Variants in KANSL1 observed in about 807,000 individuals in gnomAD.
KANSL1 encodes MLL1/MLL complex subunit KANSL1.
A neutral mutation model predicts 103.6 loss-of-function variants in KANSL1; 22 were observed. The ratio of observed to expected loss-of-function variants is 0.21; its 90% CI spans 0.15 to 0.30. KANSL1 has a LOEUF of 0.30. KANSL1 is among the 10% of genes least tolerant of loss of function. KANSL1 has a pLI of 1.00. For missense variants in KANSL1, 1,337 were observed against 1,399.8 expected, an observed-to-expected ratio of 0.96 and a Z score of 0.72; for synonymous variants, 600 against 527.6, an observed-to-expected ratio of 1.14 and a Z score of -1.88.
chr17:46,086,096 A>G (rs1001349227), intron 3 of KANSL1, among the ~76,000 whole-genome samples: 1 of 152,270 alleles, frequency 6.6e-6, no homozygotes, highest in Non-Finnish European at 1.5e-5. Flanking sequence ...CTTTATAATA[A>G]TTATAGCCAG....
At chr17:46,215,344 G>C (rs1370529513) in intron 1 of KANSL1, among the ~76,000 whole-genome samples, 2 of 152,220 alleles carry the variant, frequency 1.3e-5, no homozygotes, top group Admixed American at 6.5e-5. Flanking sequence ...GGAAGAAGTG[G>C]AGAGATGATC....
intron 1 of KANSL1, among the ~76,000 whole-genome samples, chr17:46,216,548 G>A (rs570837526): frequency 4.1e-5 from 6 of 146,574 alleles, no homozygotes; most frequent in African/African-American, 1.5e-4. Context: ...GCAGTGAGCC[G>A]AGATCACGCC....
intron 12 of KANSL1, 95 bp downstream of exon 12, chr17:46,033,308 C>T (rs1024260223): frequency 2.1e-6 from 3 of 1,457,582 alleles, no homozygotes; most frequent in Non-Finnish European, 2.9e-6. Context: ...GCACTTCACA[C>T]CCACAAGTCT....
intron 6 of KANSL1, among the ~76,000 whole-genome samples, chr17:46,058,741 ACACTCTCTCTCTCT>A (rs796539296): frequency 0.041 from 3,035 of 73,192 alleles, 26 homozygotes; most frequent in Middle Eastern, 0.048. Flanking sequence ...ACACACACAC[ACACTCTCTCTCTCT>A]CTCTCTCTCT....
In KANSL1 at chr17:46,171,101, C is replaced by T. The variant is rs1159013744; in HGVS notation, c.1043G>A (p.Arg348Gln). Reference protein sequence around the residue: ...LRPRSQLMLTRKAEAALRKAA... With the variant: ...LRPRSQLMLTQKAEAALRKAA... ...TTTTCTCAAGGCAGCTTCAGCCTTT[C>T]GAGTCAGCATCAACTGGCTCCGTGG... The change falls in exon 2 of 15, where the codon CGA (arginine) becomes CAA (glutamine). Residue 348 changes from arginine to glutamine, a missense_variant. By Grantham distance (43) the Arg-to-Gln change is conservative (BLOSUM62 1). Around this residue, in one of 2 missense-constraint regions of KANSL1, gnomAD observed 557 missense variants for 476.4 expected, o/e 1.17. Coordinates refer to ENST00000432791, the MANE Select transcript of KANSL1 (RefSeq NM_015443.4). The T allele has an allele frequency of 1.4e-5, 23 of 1,614,068 alleles. No homozygotes were observed. Among genetic ancestry groups the T allele is most frequent in the Middle Eastern group, 1.6e-4 (1 of 6,084 alleles).
chr17:46,078,524 T>TA (rs11326553), intron 4 of KANSL1, among the ~76,000 whole-genome samples: 23,740 of 152,128 alleles, frequency 0.16, 2,682 homozygotes, highest in East Asian at 0.42. Flanking sequence ...AATTTCTACC[T>TA]ACTTGGCAGC....
chr17:46,213,990 TACCTGG>T (rs1239311177), intron 1 of KANSL1, among the ~76,000 whole-genome samples: 9 of 152,036 alleles, frequency 5.9e-5, no homozygotes, highest in Non-Finnish European at 1.3e-4. Flanking sequence ...CCAAATATAC[TACCTGG>T]CACATATAAA....
chr17:46,074,301 A>G (rs62060812), intron 4 of KANSL1, among the ~76,000 whole-genome samples: 21,788 of 152,196 alleles, frequency 0.14, 2,131 homozygotes, highest in Non-Finnish European at 0.22. Context: ...AATAGGTTAT[A>G]ATCCATTAAA....
intron 4 of KANSL1, among the ~76,000 whole-genome samples, chr17:46,079,340 T>C (rs1470430639): frequency 1.3e-5 from 2 of 152,290 alleles, no homozygotes; most frequent in East Asian, 3.9e-4. Flanking sequence ...TATGTATCCT[T>C]GCAGTGTACC....
chr17:46,108,131 C>G (rs2042651010), intron 2 of KANSL1, among the ~76,000 whole-genome samples: 1 of 152,176 alleles, frequency 6.6e-6, no homozygotes, highest in South Asian at 2.1e-4. Flanking sequence ...CACTCCTCTA[C>G]CCAAAACCTA....
At chr17:46,220,494 G>A (rs1367191233) in intron 1 of KANSL1, among the ~76,000 whole-genome samples, 1 of 152,148 alleles carries the variant, frequency 6.6e-6, no homozygotes, top group African/African-American at 2.4e-5. Context: ...GGGATTACAG[G>A]CGTGAGCCAC....
intron 1 of KANSL1, among the ~76,000 whole-genome samples, chr17:46,201,204 G>A (rs911257147): frequency 2.0e-5 from 3 of 152,264 alleles, no homozygotes; most frequent in South Asian, 2.1e-4. Flanking sequence ...GAGCCACCAC[G>A]CCCAGCCTAG....
intron 1 of KANSL1, among the ~76,000 whole-genome samples, chr17:46,180,387 G>C (rs2046729678): frequency 6.6e-6 from 1 of 151,984 alleles, no homozygotes; most frequent in Non-Finnish European, 1.5e-5. Context: ...AATCCCAGCT[G>C]CTCGGGAAGC....
At chr17:46,084,690 T>A (rs2316956) in intron 3 of KANSL1, among the ~76,000 whole-genome samples, 18,730 of 91,928 alleles carry the variant, frequency 0.2, 1,863 homozygotes, top group Middle Eastern at 0.32. Flanking sequence ...CTCAAAATTT[T>A]AAAAATTAAA....
At chr17:46,148,436 C>T (rs1406070) in intron 2 of KANSL1, among the ~76,000 whole-genome samples, 21,954 of 152,206 alleles carry the variant, frequency 0.14, 2,134 homozygotes, top group Non-Finnish European at 0.22. Flanking sequence ...CAAGGGTAAC[C>T]TATCATTTAT....
intron 10 of KANSL1, chr17:46,034,513 C>T (rs2077095107): frequency 2.2e-6 from 1 of 455,936 alleles, no homozygotes; most frequent in Non-Finnish European, 3.9e-6. Context: ...TCATAAGTCC[C>T]ACTGGTCACC....
intron 1 of KANSL1, among the ~76,000 whole-genome samples, chr17:46,179,735 C>T (rs544671819): frequency 3.9e-5 from 6 of 152,240 alleles, no homozygotes; most frequent in Non-Finnish European, 7.3e-5. Context: ...GAAAAGGCAA[C>T]GCTGTGTGGG....
intron 1 of KANSL1, among the ~76,000 whole-genome samples, chr17:46,181,910 T>G (rs2046814262): frequency 6.6e-6 from 1 of 152,164 alleles, no homozygotes; most frequent in Non-Finnish European, 1.5e-5. Context: ...CCAAACTTAC[T>G]AATTTTTCAA....
chr17:46,170,934 C>T lies in KANSL1; in HGVS notation c.1210G>A (p.Asp404Asn), dbSNP rs1372472141. The T allele has an allele frequency of 6.2e-7, 1 of 1,614,024 alleles. No homozygotes were observed. Among genetic ancestry groups the T allele is most frequent in the East Asian group, 2.2e-5 (1 of 44,892 alleles). ...TCAGACTCCCCTCCTGAACTACTGT[C>T]AGTGACATCTGAATCAAATGCCTGT... ...SEQAFDSDVT[D>N]SSSGGESDIE... The change falls in exon 2 of 15, where the codon GAC becomes AAC. Residue 404 changes from aspartate (D) to asparagine (N), a missense_variant. By Grantham distance (23) the Asp-to-Asn change is conservative (BLOSUM62 1). Around this residue, in one of 2 missense-constraint regions of KANSL1, gnomAD observed 780 missense variants for 923.4 expected, o/e 0.84. Transcript: ENST00000432791.
Sources: gnomAD v4.1 joint callset for allele counts (sites outside exome capture counted in the v4.1 genomes callset) on GRCh38, gnomAD v4.1.1 for gene constraint, gnomAD v4.1.1 regional missense constraint, MANE v1.5 for transcripts, NCBI Gene and HGNC (gene_info 2026-07-23, HGNC 2026-07-21) for gene names.